The following CAMTA1 variants were observed in gnomAD, a reference collection of about 807,000 sequenced individuals.
CAMTA1 encodes the protein calmodulin-binding transcription activator 1.
A neutral mutation model predicts 170.9 loss-of-function variants in CAMTA1; 27 were observed. That is an observed-to-expected ratio of 0.16 (90% confidence interval 0.12 to 0.22). The LOEUF (loss-of-function observed/expected upper bound fraction) is 0.22, where lower values mean the gene tolerates loss of function less well. CAMTA1 is among the 10% of genes least tolerant of loss of function. CAMTA1 has a pLI of 1.00. For synonymous variants in CAMTA1, 833 were observed against 891.5 expected, an observed-to-expected ratio of 0.93 and a Z score of 1.17; for missense variants, 1,619 against 2,217.2, an observed-to-expected ratio of 0.73 and a Z score of 5.42.
chr1:7,335,835 C>T (rs567690789), intron 5 of CAMTA1, among the ~76,000 whole-genome samples: 3 of 150,606 alleles, frequency 2.0e-5, no homozygotes, highest in Admixed American at 6.6e-5. Context: ...ACACAGAACA[C>T]GGGTTTGTGT....
chr1:6,887,862 A>G lies in CAMTA1; in HGVS notation c.234+62652A>G. ...AAATTAATTTGAACCGAATGTTACT[A>G]AAAATGAAATAGAATAAAGTGACCT... is the stretch of plus-strand genomic sequence containing the variant. On this transcript the variant is annotated intron_variant, in intron 3 of 22. Transcript: ENST00000303635. The surrounding 1 kb of genome is among the most constrained non-coding windows in gnomAD (Gnocchi z 4.1). 1 of 1,431,384 alleles carries G rather than the reference A, an allele frequency of 7.0e-7. No individual in the cohort carries two copies. The highest frequency in any genetic ancestry group is 9.1e-7 in the Non-Finnish European group (1 of 1,094,970). The allele number at this position is 1,431,384 out of a possible 1,614,324, so 88.7% of individuals were successfully genotyped here.
intron 3 of CAMTA1, among the ~76,000 whole-genome samples, chr1:6,962,443 G>A (rs1690611940): frequency 7.1e-6 from 1 of 139,948 alleles, no homozygotes; most frequent in East Asian, 2.3e-4. Flanking sequence ...CCTTTCTATA[G>A]CCCCACCCTT....
chr1:7,346,392 A>G (rs1260666579), intron 5 of CAMTA1, among the ~76,000 whole-genome samples: 1 of 152,164 alleles, frequency 6.6e-6, no homozygotes, highest in Non-Finnish European at 1.5e-5. Flanking sequence ...AAGGCATTCG[A>G]TGACTCTGAG....
intron 4 of CAMTA1, among the ~76,000 whole-genome samples, chr1:7,214,628 A>C (rs1231673362): frequency 1.3e-5 from 2 of 152,168 alleles, no homozygotes; most frequent in Admixed American, 1.3e-4. Flanking sequence ...TGCCTCCCAA[A>C]GTGCTAGTAT....
intron 3 of CAMTA1, among the ~76,000 whole-genome samples, chr1:6,899,893 G>A (rs1267670689): frequency 6.6e-6 from 1 of 152,200 alleles, no homozygotes; most frequent in African/African-American, 2.4e-5. Flanking sequence ...GGTGAACTTG[G>A]TGTTGCCTCT....
intron 6 of CAMTA1, among the ~76,000 whole-genome samples, chr1:7,584,082 T>C (rs2095286505): frequency 6.6e-6 from 1 of 152,098 alleles, no homozygotes; most frequent in African/African-American, 2.4e-5. Flanking sequence ...AGAGGAATCA[T>C]ATAACACTTT....
At chr1:6,882,577 A>G (rs2149078853) in intron 3 of CAMTA1, among the ~76,000 whole-genome samples, 1 of 152,248 alleles carries the variant, frequency 6.6e-6, no homozygotes, top group Admixed American at 6.5e-5. Context: ...TGAGAACAGC[A>G]GGTTGGGGAG....
rs151217917 is a variant in CAMTA1, at chr1:7,447,331, C to T, written c.439-20499C>T. ...CACGTGGCACGCATGGATGGCATGA[C>T]ACCGTCTGGAGGGAGAGTAGGGGAG... is the stretch of plus-strand genomic sequence containing the variant. On this transcript the variant is annotated intron_variant, in intron 5 of 22. Coordinates refer to ENST00000303635, the MANE Select transcript of CAMTA1 (RefSeq NM_015215.4). Among the ~76,000 whole-genome samples, 1,016 of 151,584 alleles carry T rather than the reference C, an allele frequency of 6.7e-3. 12 individuals are homozygous for T. The highest frequency in any genetic ancestry group is 0.024 in the African/African-American group (985 of 41,266).
At chr1:6,883,884 T>G (rs1672347109) in intron 3 of CAMTA1, among the ~76,000 whole-genome samples, 1 of 152,140 alleles carries the variant, frequency 6.6e-6, no homozygotes, top group Admixed American at 6.5e-5. Flanking sequence ...TATATTTTAT[T>G]TTACCCAGTA....
intron 3 of CAMTA1, among the ~76,000 whole-genome samples, chr1:6,896,507 C>A (rs1011533040): frequency 4.6e-5 from 7 of 152,138 alleles, no homozygotes; most frequent in African/African-American, 1.7e-4. Context: ...GGTTAGGTAG[C>A]AAATCTGTTA....
intron 1 of CAMTA1, among the ~76,000 whole-genome samples, chr1:6,804,599 T>C (rs1397894582): frequency 1.3e-5 from 2 of 152,228 alleles, no homozygotes; most frequent in African/African-American, 4.8e-5. Flanking sequence ...AATAGAATCA[T>C]GTAGTGTTTG....
At chr1:7,049,596 ATAGGGGCC>A (rs1705978502) in intron 3 of CAMTA1, among the ~76,000 whole-genome samples, 1 of 152,064 alleles carries the variant, frequency 6.6e-6, no homozygotes, top group Admixed American at 6.5e-5. Context: ...AGCTGGGATT[ATAGGGGCC>A]CACCACCACA....
chr1:7,364,062 G>C (rs1018350375), intron 5 of CAMTA1, among the ~76,000 whole-genome samples: 1 of 152,196 alleles, frequency 6.6e-6, no homozygotes, highest in Non-Finnish European at 1.5e-5. Context: ...TCATGGGTTA[G>C]AACAGATTTT....
intron 5 of CAMTA1, among the ~76,000 whole-genome samples, chr1:7,398,691 G>C (rs2089643643): frequency 6.6e-6 from 1 of 151,784 alleles, no homozygotes; most frequent in African/African-American, 2.4e-5. Flanking sequence ...GTGTTTTTTG[G>C]CTCTTTTGTA....
chr1:7,196,258 T>G (rs13375090), intron 4 of CAMTA1, among the ~76,000 whole-genome samples: 5,020 of 152,238 alleles, frequency 0.033, 268 homozygotes, highest in African/African-American at 0.11. Flanking sequence ...CCCCTTTGCC[T>G]TCTGCCATGA....
intron 4 of CAMTA1, among the ~76,000 whole-genome samples, chr1:7,219,001 A>G (rs932103062): frequency 6.6e-6 from 1 of 152,164 alleles, no homozygotes; most frequent in Non-Finnish European, 1.5e-5. Context: ...GTGTGCAGTT[A>G]TATCAATTTC....
chr1:7,228,360 TG>T (rs1195954352), intron 4 of CAMTA1, among the ~76,000 whole-genome samples: 1 of 152,092 alleles, frequency 6.6e-6, no homozygotes, highest in Non-Finnish European at 1.5e-5. Flanking sequence ...CCCAGCACTT[TG>T]GGGGGCCGAG....
intron 5 of CAMTA1, among the ~76,000 whole-genome samples, chr1:7,418,056 G>A (rs2091313851): frequency 6.6e-6 from 1 of 151,940 alleles, no homozygotes; most frequent in African/African-American, 2.4e-5. Flanking sequence ...GTGGTCGATT[G>A]CCCCCTTCTC....
intron 5 of CAMTA1, among the ~76,000 whole-genome samples, chr1:7,356,564 G>A (rs746848535): frequency 5.9e-5 from 9 of 152,116 alleles, no homozygotes; most frequent in South Asian, 2.1e-4. Flanking sequence ...GACTGCCACC[G>A]CCTCCTCCTC....
Sources: allele counts gnomAD v4.1 joint callset (sites outside exome capture counted in the v4.1 genomes callset), GRCh38; gene constraint gnomAD v4.1.1; non-coding constraint Gnocchi (gnomAD v3.1); transcripts MANE v1.5; gene names NCBI Gene and HGNC (gene_info 2026-07-23, HGNC 2026-07-21).